FAM135A: variants seen among roughly 807,000 people sequenced by gnomAD.
FAM135A encodes protein FAM135A.
Under a neutral mutation model 146.8 loss-of-function variants are expected in FAM135A, and 79 were observed. The ratio of observed to expected loss-of-function variants is 0.54; its 90% confidence interval spans 0.45 to 0.65. FAM135A has a LOEUF of 0.65. Ranked by LOEUF, FAM135A falls within the 30% of genes least tolerant of loss-of-function variation. The pLI is 0.00. For missense variants in FAM135A, 1,623 were observed against 1,758.2 expected, an observed-to-expected ratio of 0.92 and a Z score of 1.38; for synonymous variants, 562 against 603.6, an observed-to-expected ratio of 0.93 and a Z score of 1.01.
intron 10 of FAM135A, among the ~76,000 whole-genome samples, chr6:70,487,653 C>A (rs535292421): frequency 6.6e-6 from 1 of 152,176 alleles, no homozygotes; most frequent in Non-Finnish European, 1.5e-5. Flanking sequence ...CTTTCTGGAA[C>A]ATAGTATTAT....
chr6:70,460,003 C>G (rs1215937954), intron 5 of FAM135A, among the ~76,000 whole-genome samples: 2 of 152,112 alleles, frequency 1.3e-5, no homozygotes, highest in African/African-American at 2.4e-5. Flanking sequence ...TGCACTCCAG[C>G]CTGGGGACAG....
intron 4 of FAM135A, among the ~76,000 whole-genome samples, chr6:70,438,116 A>T (rs980056685): frequency 2.6e-5 from 4 of 152,196 alleles, no homozygotes; most frequent in Non-Finnish European, 4.4e-5. Flanking sequence ...CAGTAGCAAA[A>T]ACAGAAAATA....
At chr6:70,466,490 G>A (rs1780503050) in intron 5 of FAM135A, among the ~76,000 whole-genome samples, 1 of 152,104 alleles carries the variant, frequency 6.6e-6, no homozygotes, top group Admixed American at 6.5e-5. Context: ...AAGAAAAGTT[G>A]AACAGAGTCT....
chr6:70,445,407 GACAC>G (rs1469521390), intron 4 of FAM135A, among the ~76,000 whole-genome samples: 1 of 152,138 alleles, frequency 6.6e-6, no homozygotes, highest in African/African-American at 2.4e-5. Flanking sequence ...AGGAATTAAA[GACAC>G]ACACACAAAA....
At chr6:70,505,439 A>G (rs1165284475) in intron 12 of FAM135A, among the ~76,000 whole-genome samples, 1 of 151,904 alleles carries the variant, frequency 6.6e-6, no homozygotes, top group Non-Finnish European at 1.5e-5. Context: ...TTTGAAGAGT[A>G]TTGGCCAGTA....
At chr6:70,465,627 G>A (rs979930222) in intron 5 of FAM135A, among the ~76,000 whole-genome samples, 3 of 152,006 alleles carry the variant, frequency 2.0e-5, no homozygotes, top group Non-Finnish European at 4.4e-5. Flanking sequence ...TGTTCCTCCT[G>A]CCTCGGCCTC....
chr6:70,439,169 A>C (rs1773894875), intron 4 of FAM135A, among the ~76,000 whole-genome samples: 1 of 152,154 alleles, frequency 6.6e-6, no homozygotes, highest in Non-Finnish European at 1.5e-5. Flanking sequence ...ATCTAAAAAA[A>C]AATTGATGGA....
At chr6:70,513,678 A>G (rs528128125) in intron 12 of FAM135A, among the ~76,000 whole-genome samples, 16 of 152,176 alleles carry the variant, frequency 1.1e-4, no homozygotes, top group African/African-American at 3.4e-4. Flanking sequence ...ATGTAGAAGT[A>G]TAATTGATTT....
At chr6:70,442,487 C>T (rs1774786137) in intron 4 of FAM135A, among the ~76,000 whole-genome samples, 1 of 151,926 alleles carries the variant, frequency 6.6e-6, no homozygotes, top group Non-Finnish European at 1.5e-5. Context: ...TTGTTTTGAT[C>T]CCTGTCCCTT....
At chr6:70,509,322 A>G (rs932625719) in intron 12 of FAM135A, among the ~76,000 whole-genome samples, 1 of 152,156 alleles carries the variant, frequency 6.6e-6, no homozygotes, top group Non-Finnish European at 1.5e-5. Flanking sequence ...CTCTGCTTCT[A>G]TGAGGTTAGC....
At position 70,452,566 on chromosome 6, in the gene FAM135A, C is replaced by A; in HGVS notation, c.152C>A (p.Ala51Glu). ...AGAGTAGAAGCTAGTTTGTTGCATG[C>A]AACAGGTAAGCCAAAGAATACATTC... The part of the protein sequence containing the change: ...PHRVEASLLH[A>E]TGMTLAFPAS... Residue 51 changes from alanine (A) to glutamate (E), a missense_variant, in exon 5 of 22, where the codon GCA becomes GAA. Physicochemically the swap from Ala to Glu is moderately radical, Grantham distance 107 (BLOSUM62 -1). Coordinates refer to ENST00000418814, the MANE Select transcript of FAM135A (RefSeq NM_001162529.3). 1 of 1,575,756 alleles carries A rather than the reference C, an allele frequency of 6.3e-7. No individual in the cohort carries two copies. The highest frequency in any genetic ancestry group is 8.6e-7 in the Non-Finnish European group (1 of 1,167,496).
At chr6:70,526,761 A>G in intron 15 of FAM135A, 63 bp downstream of exon 15, 1 of 664,644 alleles carries the variant, frequency 1.5e-6, no homozygotes, top group Non-Finnish European at 2.2e-6. Flanking sequence ...ACACACACAC[A>G]CACATACACA....
intron 11 of FAM135A, among the ~76,000 whole-genome samples, chr6:70,502,426 T>G (rs1431746328): frequency 6.6e-6 from 1 of 151,140 alleles, no homozygotes; most frequent in East Asian, 1.9e-4. Flanking sequence ...ATTGGTTAAG[T>G]TGTTGAAAAT....
chr6:70,475,632 A>G (rs982649486), intron 6 of FAM135A, 31 bp from the exon 7 acceptor site: 4 of 1,592,090 alleles, frequency 2.5e-6, no homozygotes, highest in Non-Finnish European at 2.6e-6. Context: ...TAAAATTTCA[A>G]AAAGTATCTC....
chr6:70,554,690 C>T (rs1800490143), intron 20 of FAM135A, among the ~76,000 whole-genome samples: 2 of 152,120 alleles, frequency 1.3e-5, no homozygotes, highest in African/African-American at 2.4e-5. Flanking sequence ...TGCAGTGGCA[C>T]AATATCAGCT....
intron 12 of FAM135A, among the ~76,000 whole-genome samples, chr6:70,506,731 G>GTTTTTTCTTTTTTTTTTTTTTTT (rs1561934553): frequency 6.9e-6 from 1 of 145,464 alleles, no homozygotes; most frequent in Non-Finnish European, 1.5e-5. Flanking sequence ...TTTTTATTTT[G>GTTTTTTCTTTTTTTTTTTTTTTT]TTTTTTCTTT....
intron 21 of FAM135A, among the ~76,000 whole-genome samples, chr6:70,558,613 T>A (rs1169979524): frequency 6.6e-6 from 1 of 152,006 alleles, no homozygotes; most frequent in East Asian, 1.9e-4. Context: ...ACTCTGAGAC[T>A]AGCTTGGGCA....
intron 12 of FAM135A, among the ~76,000 whole-genome samples, chr6:70,517,523 A>G (rs184583290): frequency 2.7e-5 from 4 of 150,862 alleles, no homozygotes; most frequent in African/African-American, 7.3e-5. Flanking sequence ...GGTTCAAGCA[A>G]TTCTCCTGCC....
rs1177559650 is a variant in FAM135A, at chr6:70,557,694, C to CAAAAA, written c.4342+851_4342+855dup. 1.0e-3 allele frequency: 60 copies of CAAAAA among 58,042 alleles called. 2 individuals are homozygous for CAAAAA. Among genetic ancestry groups the CAAAAA allele is most frequent in the South Asian group, 1.7e-3 (2 of 1,154 alleles). 3.6% of individuals were successfully genotyped at this position (58,042 alleles called of 1,614,324 possible). A position where few individuals can be genotyped will look rare whatever the true frequency, so the allele number is the denominator to read the frequency against. On this transcript the variant is annotated intron_variant, in intron 21 of 21. Coordinates refer to ENST00000418814, the MANE Select transcript of FAM135A (RefSeq NM_001162529.3). ...GAGAGACAAGAACGAAACTCTGTCT[C>CAAAAA]AAAAAAAAAAAAAAAAAAAAAAAAC...
Sources: allele counts gnomAD v4.1 joint callset (sites outside exome capture counted in the v4.1 genomes callset), GRCh38; gene constraint gnomAD v4.1.1; transcripts MANE v1.5; gene names NCBI Gene and HGNC (gene_info 2026-07-23, HGNC 2026-07-21).